The following SLC34A2 variants were observed in gnomAD, a reference collection of about 807,000 sequenced individuals.
SLC34A2 encodes sodium-dependent phosphate transport protein 2B.
In SLC34A2, 41 loss-of-function variants were observed where a neutral mutation model predicts 50.8. The ratio of observed to expected loss-of-function variants is 0.81; its 90% CI spans 0.63 to 1.05. The LOEUF is 1.05. SLC34A2 is among the 50% of genes least tolerant of loss of function. The pLI is 0.00. For missense variants in SLC34A2, 879 were observed against 876.7 expected (o/e 1.00, Z -0.03); for synonymous variants, 401 against 364.2 (o/e 1.10, Z -1.15).
rs1715154841 is a variant in SLC34A2 at position 25,676,745 on chromosome 4, T to C, written c.2069T>C (p.Leu690Ser). ...ASDSKTECTA[L>S] ...GACTCAAAGACCGAATGCACGGCCTTGTAGGGGACGCCCCAGATTGTCAGG... is the reference window on the plus strand; with the variant it reads ...GACTCAAAGACCGAATGCACGGCCTCGTAGGGGACGCCCCAGATTGTCAGG... The change falls in exon 13 of 13, where the codon TTG becomes TCG. Residue 690 changes from leucine (L) to serine (S), a missense_variant. Transcript: ENST00000382051. 6.2e-7 allele frequency: 1 copy of C among 1,614,004 alleles called. No homozygotes were observed. Among genetic ancestry groups the C allele is most frequent in the Admixed American group, 1.7e-5 (1 of 60,006 alleles).
intron 1 of SLC34A2, among the ~76,000 whole-genome samples, chr4:25,659,732 C>T (rs1194780084): frequency 6.6e-6 from 1 of 152,202 alleles, no homozygotes; most frequent in African/African-American, 2.4e-5. Context: ...GGGCAGGCCT[C>T]TGCAGAGCCA....
intron 7 of SLC34A2, among the ~76,000 whole-genome samples, chr4:25,670,205 C>A (rs567843700): frequency 6.6e-6 from 1 of 152,274 alleles, no homozygotes; most frequent in Non-Finnish European, 1.5e-5. Context: ...GCCTGGGTGA[C>A]AAAGTGAGAC....
Position 25,674,695 on chromosome 4 carries a change from T to C in SLC34A2, c.1458+66T>C, listed in dbSNP as rs529094062. 4.3e-3 allele frequency: 6,859 copies of C among 1,599,522 alleles called. 24 individuals are homozygous for C. The highest frequency in any genetic ancestry group is 5.5e-3 in the Non-Finnish European group (6,387 of 1,168,980). ...GACCACCCATGGTCTTGCAAACTGGTCTCTAACAAGAGCCAGGCTTTTCTC... is the reference window on the plus strand; with the variant it reads ...GACCACCCATGGTCTTGCAAACTGGCCTCTAACAAGAGCCAGGCTTTTCTC... On this transcript the variant is annotated intron_variant, in intron 12 of 12. Transcript: ENST00000382051.
Position 25,674,568 on chromosome 4 carries a change from C to T in SLC34A2, c.1397C>T (p.Thr466Ile). 1.2e-6 allele frequency: 2 copies of T among 1,614,222 alleles called. No homozygotes were observed. Among genetic ancestry groups the T allele is most frequent in the Non-Finnish European group, 1.7e-6 (2 of 1,180,034 alleles). The change falls in exon 12 of 13, where the codon ACC becomes ATC. Residue 466 changes from threonine to isoleucine, a missense_variant. Transcript: ENST00000382051. ...ACGCTGGGCTCCAACATCGGCACCA[C>T]CACCACCGCCATCCTGGCCGCCTTA... is the stretch of plus-strand genomic sequence containing the variant. ...PLTLGSNIGT[T>I]TTAILAALAS...
intron 7 of SLC34A2, 94 bp downstream of exon 7, chr4:25,669,936 T>A: frequency 8.5e-7 from 1 of 1,169,660 alleles, no homozygotes; most frequent in Non-Finnish European, 1.3e-6. Context: ...TACAACACTA[T>A]TCTGGGCCTG....
rs1459850591 is a variant in SLC34A2, at chr4:25,677,093, AG to A, written c.*345del. 2.2e-5 allele frequency: 7 copies of A among 311,216 alleles called. No individual in the cohort carries two copies. The highest frequency in any genetic ancestry group is 4.3e-5 in the Non-Finnish European group (7 of 164,082). The allele number at this position is 311,216 out of a possible 1,614,324, so 19.3% of individuals were successfully genotyped here. ...TCAGACTCAAAAACCATCTTCAGAA[AG>A]AAAAGGCCCAGGGAAGGAATGTATG... On this transcript the variant is annotated 3_prime_UTR_variant, in exon 13 of 13. Transcript: ENST00000382051.
rs759231403 is a variant in SLC34A2, at chr4:25,662,543, G to A, written c.43G>A (p.Asp15Asn). ...PELGDAQPNP[D>N]KYLEGAAGQQ... The stretch of plus-strand genomic sequence containing the variant: ...ATTGGGAGATGCCCAGCCCAACCCC[G>A]ATAAGTACCTCGAAGGGGCCGCAGG... Residue 15 changes from aspartate (D) to asparagine (N), a missense_variant, in exon 2 of 13, where the codon GAT becomes AAT. By Grantham distance (23) the Asp-to-Asn change is conservative (BLOSUM62 1). Coordinates refer to ENST00000382051, the MANE Select transcript of SLC34A2 (RefSeq NM_006424.3). 56 of 1,613,800 alleles carry A rather than the reference G, an allele frequency of 3.5e-5. No homozygotes were observed. Among genetic ancestry groups the A allele is most frequent in the Admixed American group, 1.3e-4 (8 of 59,976 alleles).
intron 3 of SLC34A2, among the ~76,000 whole-genome samples, chr4:25,663,043 T>G (rs1200958662): frequency 6.6e-6 from 1 of 151,938 alleles, no homozygotes; most frequent in East Asian, 1.9e-4. Context: ...GGTGCGATAT[T>G]GGCTCACTGC....
chr4:25,663,874 C>G (rs1714341446), intron 3 of SLC34A2, among the ~76,000 whole-genome samples: 1 of 152,222 alleles, frequency 6.6e-6, no homozygotes, highest in African/African-American at 2.4e-5. Context: ...TCAACTGCCT[C>G]ACTCAGTGAC....
intron 5 of SLC34A2, 99 bp downstream of exon 5, chr4:25,666,370 A>G: frequency 7.4e-7 from 1 of 1,345,856 alleles, no homozygotes; most frequent in Admixed American, 2.1e-5. Flanking sequence ...GAATATGTCC[A>G]GGCCTTGCCA....
chr4:25,671,195 C>T (rs556843562), intron 8 of SLC34A2, among the ~76,000 whole-genome samples: 2 of 152,130 alleles, frequency 1.3e-5, no homozygotes, highest in Non-Finnish European at 2.9e-5. Flanking sequence ...AGCAAGTGTC[C>T]TCTCTCTTAC....
At chr4:25,664,178 T>TC (rs774277439) in intron 3 of SLC34A2, 24 bp from the exon 4 acceptor site, 8 of 1,607,104 alleles carry the variant, frequency 5.0e-6, no homozygotes, top group South Asian at 4.4e-5. Context: ...TTTCTCTCTC[T>TC]CCCCCCATCC....
chr4:25,674,955 C>T (rs1037970226), intron 12 of SLC34A2, among the ~76,000 whole-genome samples: 1 of 152,188 alleles, frequency 6.6e-6, no homozygotes, highest in African/African-American at 2.4e-5. Flanking sequence ...GGGAACTTTA[C>T]AATTAGGAGA....
chr4:25,673,794 CA>C (rs1256156403), intron 10 of SLC34A2, among the ~76,000 whole-genome samples: 1 of 152,190 alleles, frequency 6.6e-6, no homozygotes, highest in African/African-American at 2.4e-5. Flanking sequence ...ATTCGCCCCC[CA>C]CCCCAGATTG....
chr4:25,676,342 G>C lies in SLC34A2; in HGVS notation c.1666G>C (p.Val556Leu). The C allele has an allele frequency of 6.2e-7, 1 of 1,614,200 alleles. No homozygotes were observed. The change falls in exon 13 of 13, where the codon GTT (valine) becomes CTT (leucine). Residue 556 changes from valine (V) to leucine (L), a missense_variant. Transcript: ENST00000382051. The part of the protein sequence containing the change: ...GLSLAGWRVL[V>L]GVGVPVVFII... Reference sequence around the variant, plus strand: ...CTCGCTGGCCGGCTGGCGGGTGCTGGTTGGTGTCGGGGTTCCCGTCGTCTT... The same window carrying C: ...CTCGCTGGCCGGCTGGCGGGTGCTGCTTGGTGTCGGGGTTCCCGTCGTCTT...
chr4:25,670,673 C>G, intron 7 of SLC34A2, 65 bp from the exon 8 acceptor site: 2 of 1,308,418 alleles, frequency 1.5e-6, no homozygotes, highest in South Asian at 2.5e-5. Flanking sequence ...CTTCAACCCC[C>G]TGGGTTTGTG....
Position 25,676,880 on chromosome 4 carries a change from C to A in SLC34A2, c.*131C>A. On this transcript the variant is annotated 3_prime_UTR_variant, in exon 13 of 13. Transcript: ENST00000382051. ...CATTAGCGAATGAAATTGATGCAGT[C>A]CTACCTAACTCGATTCCCTTTGGCT... 1 of 1,304,600 alleles carries A rather than the reference C, an allele frequency of 7.7e-7. No homozygotes were observed. Among genetic ancestry groups the A allele is most frequent in the Non-Finnish European group, 1.1e-6 (1 of 937,226 alleles). The allele number at this position is 1,304,600 out of a possible 1,614,324, so 80.8% of individuals were successfully genotyped here.
chr4:25,676,360 G>A lies in SLC34A2; in HGVS notation c.1684G>A (p.Val562Ile). The A allele has an allele frequency of 2.5e-6, 4 of 1,614,160 alleles. No homozygotes were observed. Among genetic ancestry groups the A allele is most frequent in the Non-Finnish European group, 3.4e-6 (4 of 1,180,044 alleles). Residue 562 changes from valine (V) to isoleucine (I), a missense_variant, in exon 13 of 13, where the codon GTC (valine) becomes ATC (isoleucine). Val to Ile is a conservative substitution (Grantham distance 29, BLOSUM62 3). Transcript: ENST00000382051. ...WRVLVGVGVP[V>I]VFIIILVLCL... is the part of the protein sequence containing the mutation. ...GGTGCTGGTTGGTGTCGGGGTTCCC[G>A]TCGTCTTCATCATCATCCTGGTACT...
At chr4:25,657,241 C>T (rs527330746) in intron 1 of SLC34A2, among the ~76,000 whole-genome samples, 11 of 152,140 alleles carry the variant, frequency 7.2e-5, no homozygotes, top group Admixed American at 2.0e-4. Context: ...AAAAATAGCC[C>T]GAATTCAATG....
Sources: allele counts gnomAD v4.1 joint callset (sites outside exome capture counted in the v4.1 genomes callset), GRCh38; gene constraint gnomAD v4.1.1; transcripts MANE v1.5; gene names NCBI Gene and HGNC (gene_info 2026-07-23, HGNC 2026-07-21).